The following CELF2 variants were observed in gnomAD, a reference collection of about 807,000 sequenced individuals.
The protein encoded by CELF2 is CUGBP Elav-like family member 2, also known as CUG triplet repeat RNA-binding protein 2.
Under a neutral mutation model 62.6 loss-of-function variants are expected in CELF2, and 8 were observed. The ratio of observed to expected loss-of-function variants is 0.13; its 90% CI spans 0.07 to 0.23. The LOEUF (loss-of-function observed/expected upper bound fraction) is 0.23, where lower values mean the gene tolerates loss of function less well. Ranked by LOEUF, CELF2 falls within the 10% of genes least tolerant of loss-of-function variation. The pLI, the probability that CELF2 is intolerant of heterozygous loss-of-function variation, is 1.00. For missense variants in CELF2, 333 were observed against 671.0 expected, an observed-to-expected ratio of 0.50 and a Z score of 5.56; for synonymous variants, 258 against 250.0, an observed-to-expected ratio of 1.03 and a Z score of -0.30.
At chr10:11,320,619 T>A (rs1457043764) in intron 10 of CELF2, among the ~76,000 whole-genome samples, 1 of 152,144 alleles carries the variant, frequency 6.6e-6, no homozygotes, top group East Asian at 1.9e-4. Flanking sequence ...AAGTCCGTTT[T>A]CCCACACTGT....
At position 10,956,655 on chromosome 10, in the gene CELF2, C is replaced by T. The variant is rs180749237; in HGVS notation, c.89+36656C>T. On this transcript the variant is annotated intron_variant, in intron 2 of 13. Coordinates refer to the CELF2 transcript ENST00000636488. ...GCAAAAGTGGGTTGCTGGCTGGGCA[C>T]AGTGGTTCAAGCTTGTAATCCCAGT... Among the ~76,000 whole-genome samples the T allele has an allele frequency of 7.5e-4, 114 of 152,222 alleles. 2 individuals are homozygous for T. The highest frequency in any genetic ancestry group is 1.4e-3 in the Non-Finnish European group (96 of 68,008).
chr10:10,955,453 A>G (rs1286184882), intron 2 of CELF2, among the ~76,000 whole-genome samples: 8 of 152,222 alleles, frequency 5.3e-5, no homozygotes, highest in African/African-American at 1.9e-4. Flanking sequence ...GCATATGGTT[A>G]TCTCAGAGCT....
intron 9 of CELF2, among the ~76,000 whole-genome samples, chr10:11,303,179 T>C (rs1405411768): frequency 1.3e-5 from 2 of 152,222 alleles, no homozygotes; most frequent in South Asian, 2.1e-4. Context: ...TCTCTTGAGC[T>C]GCAAAGAATA....
rs745848953 is a variant in CELF2 at position 10,924,724 on chromosome 10, C to CTT, written c.89+4742_89+4743dup. Among the ~76,000 whole-genome samples the CTT allele has an allele frequency of 2.5e-3, 226 of 89,156 alleles. 6 individuals carry two copies. The highest frequency in any genetic ancestry group is 6.5e-3 in the African/African-American group (137 of 21,150). The allele number at this position is 89,156 out of a possible 152,430, so 58.5% of individuals were successfully genotyped here. A position where few individuals can be genotyped will look rare whatever the true frequency, so the allele number is the denominator to read the frequency against. On this transcript the variant is annotated intron_variant, in intron 2 of 13. Transcript: ENST00000636488. ...GTATATTAATCCAGTAACTTGATCG[C>CTT]TTTTTTTTTTTTTTTTTTGCCTTCT...
At position 11,285,514 on chromosome 10, in the gene CELF2, G is replaced by A. The variant is rs188693877; in HGVS notation, c.842-2904G>A. Among the ~76,000 whole-genome samples the A allele has an allele frequency of 1.3e-5, 2 of 152,322 alleles. No homozygotes were observed. The highest frequency in any genetic ancestry group is 1.9e-4 in the East Asian group (1 of 5,192). The stretch of plus-strand genomic sequence containing the variant: ...CCTTAGCCCTGGATCCTAAAGGAGC[G>A]GGCAGTGGAGAGAACCTGAGTGCTG... On this transcript the variant is annotated intron_variant, in intron 8 of 12. Coordinates refer to ENST00000633077, the MANE Select transcript of CELF2 (RefSeq NM_001326342.2). The surrounding 1 kb of genome is among the most constrained non-coding windows in gnomAD (Gnocchi z 4.3).
At chr10:10,621,123 A>G in the CELF2 span, among the ~76,000 whole-genome samples, 256 of 143,550 alleles carry the variant, frequency 1.8e-3, 3 homozygotes, top group African/African-American at 6.5e-3. Context: ...GGGCGCCTGT[A>G]GTCCCAGCTA....
At chr10:10,956,018 A>G (rs2048853532) in intron 2 of CELF2, among the ~76,000 whole-genome samples, 1 of 152,324 alleles carries the variant, frequency 6.6e-6, no homozygotes, top group African/African-American at 2.4e-5. Context: ...TTAAGTCAGG[A>G]AAGATTACAC....
At chr10:10,915,574 CTGTT>C (rs961148530) in intron 1 of CELF2, among the ~76,000 whole-genome samples, 5 of 152,034 alleles carry the variant, frequency 3.3e-5, no homozygotes, top group East Asian at 1.9e-4. Flanking sequence ...CCCACCTCAT[CTGTT>C]TGTTTGTTTT....
the CELF2 span, among the ~76,000 whole-genome samples, chr10:10,599,170 A>G: frequency 2.0e-5 from 3 of 152,332 alleles, no homozygotes; most frequent in African/African-American, 7.2e-5. Flanking sequence ...ATTAATTAGT[A>G]TAAATTGAAA....
chr10:10,475,856 T>G, the CELF2 span, among the ~76,000 whole-genome samples: 1 of 152,084 alleles, frequency 6.6e-6, no homozygotes, highest in Non-Finnish European at 1.5e-5. Context: ...GGGCAGACAT[T>G]TTCTTCCTTT....
chr10:11,050,168 G>T (rs1415835905), intron 1 of CELF2, among the ~76,000 whole-genome samples: 1 of 152,224 alleles, frequency 6.6e-6, no homozygotes, highest in East Asian at 1.9e-4. Flanking sequence ...GCACTGAGAA[G>T]AGTTAATGAG....
the CELF2 span, among the ~76,000 whole-genome samples, chr10:10,637,716 C>T: frequency 1.3e-5 from 2 of 152,144 alleles, no homozygotes; most frequent in East Asian, 1.9e-4. Flanking sequence ...CAATGTGACA[C>T]GGAGTCGCAG....
At chr10:10,495,478 G>C in the CELF2 span, among the ~76,000 whole-genome samples, 3 of 152,188 alleles carry the variant, frequency 2.0e-5, no homozygotes, top group Admixed American at 6.5e-5. Flanking sequence ...GAGAACTTAA[G>C]GTTACTAAAG....
intron 2 of CELF2, among the ~76,000 whole-genome samples, chr10:10,958,359 C>T (rs1309151702): frequency 4.6e-5 from 7 of 152,072 alleles, no homozygotes; most frequent in South Asian, 2.1e-4. Context: ...ATAGAACAAA[C>T]GGTGGAGTCA....
rs1197978415 is a variant in CELF2, at chr10:11,159,699, C to T, written c.75-5787C>T. Among the ~76,000 whole-genome samples the T allele has an allele frequency of 6.6e-6, 1 of 152,174 alleles. No homozygotes were observed. The highest frequency in any genetic ancestry group is 1.5e-5 in the Non-Finnish European group (1 of 68,040). On this transcript the variant is annotated intron_variant, in intron 1 of 12. Transcript: ENST00000633077. This position sits in a 1 kb window ranked among gnomAD's most constrained non-coding sequence, Gnocchi z 5.0. ...AATATTAATGAATTTCATGTCTGTCCTGTTACCCGCCGGAGGCACCAGGCC... is the reference window on the plus strand; with the variant it reads ...AATATTAATGAATTTCATGTCTGTCTTGTTACCCGCCGGAGGCACCAGGCC...
chr10:11,081,641 G>A (rs2074060423), intron 1 of CELF2, among the ~76,000 whole-genome samples: 1 of 152,200 alleles, frequency 6.6e-6, no homozygotes, highest in Non-Finnish European at 1.5e-5. Flanking sequence ...ACCTCTGGAA[G>A]GGTTCTCATG....
chr10:10,775,696 A>G, the CELF2 span, among the ~76,000 whole-genome samples: 36,200 of 151,828 alleles, frequency 0.24, 4,538 homozygotes, highest in Admixed American at 0.32. Flanking sequence ...CTAGGGCATC[A>G]TAAGAATTCC....
intron 1 of CELF2, among the ~76,000 whole-genome samples, chr10:10,814,003 C>T (rs1408911532): frequency 6.6e-6 from 1 of 152,010 alleles, no homozygotes; most frequent in Non-Finnish European, 1.5e-5. Flanking sequence ...TTTGTTCAGA[C>T]CCAGGATCTC....
Position 11,335,288 on chromosome 10 carries a change from C to G in CELF2, c.*6235C>G, listed in dbSNP as rs912217436. 1.3e-5 allele frequency: 2 copies of G among 152,364 alleles called. No individual in the cohort carries two copies. The highest frequency in any genetic ancestry group is 2.9e-5 in the Non-Finnish European group (2 of 68,110). The allele number at this position is 152,364 out of a possible 1,614,324, so 9.4% of individuals were successfully genotyped here. ...TCTGATTGCTCTTAAAGTGCTCTTA[C>G]AAGATTCCGTCGATGTTTGCTCCCT... On this transcript the variant is annotated 3_prime_UTR_variant, in exon 13 of 13. Coordinates refer to ENST00000633077, the MANE Select transcript of CELF2 (RefSeq NM_001326342.2). This position sits in a 1 kb window ranked among gnomAD's most constrained non-coding sequence, Gnocchi z 5.0.
Sources: gnomAD v4.1 joint callset for allele counts (sites outside exome capture counted in the v4.1 genomes callset) on GRCh38, gnomAD v4.1.1 for gene constraint, Gnocchi (gnomAD v3.1) non-coding constraint, MANE v1.5 for transcripts, NCBI Gene and HGNC (gene_info 2026-07-23, HGNC 2026-07-21) for gene names.